The following MPZL2 variants were observed in gnomAD, a reference collection of about 807,000 sequenced individuals.
MPZL2 encodes the protein myelin protein zero-like protein 2.
MPZL2 carries 32 observed loss-of-function variants against 24.5 expected under a neutral mutation model. That is an observed-to-expected ratio of 1.31 (90% CI 0.99 to 1.76). MPZL2 has a LOEUF of 1.76. MPZL2 is among the 40% of genes most tolerant of loss of function. MPZL2 has a pLI of 0.00. For synonymous variants in MPZL2, 92 were observed against 97.9 expected (o/e 0.94, Z 0.36); for missense variants, 304 against 274.9 (o/e 1.11, Z -0.75).
chr11:118,260,519 C>G (rs1422861123), intron 3 of MPZL2, among the ~76,000 whole-genome samples: 1 of 152,188 alleles, frequency 6.6e-6, no homozygotes, highest in Non-Finnish European at 1.5e-5. Flanking sequence ...TTAACAGGTC[C>G]TCCAGGTGAT....
In MPZL2 at chr11:118,262,569, T is replaced by G; in HGVS notation, c.305A>C (p.Glu102Ala). ...GAGAAGGATGGAGGCATCGTACCGC[T>G]CAGGATTCCCATCCCAAGACACCCG... ...KDRVSWDGNPERYDASILLWK... is the reference protein window; with the variant it reads ...KDRVSWDGNPARYDASILLWK... The change falls in exon 3 of 6, where the codon GAG becomes GCG. Residue 102 changes from glutamate (E) to alanine (A), a missense_variant. Glu to Ala is a moderately radical substitution (Grantham distance 107). Coordinates refer to ENST00000278937, the MANE Select transcript of MPZL2 (RefSeq NM_005797.4). The G allele has an allele frequency of 6.2e-7, 1 of 1,614,164 alleles. No homozygotes were observed. Among genetic ancestry groups the G allele is most frequent in the Non-Finnish European group, 8.5e-7 (1 of 1,180,016 alleles).
In MPZL2 at chr11:118,263,982, G is replaced by GT; in HGVS notation, c.58+113dup. On this transcript the variant is annotated intron_variant, in intron 1 of 5. Coordinates refer to ENST00000278937, the MANE Select transcript of MPZL2 (RefSeq NM_005797.4). Reference sequence around the variant, plus strand: ...AGTAAAACCCAAAGTAAAACAAACTGTATCTGTGGCTCAGGCTCCCAAACA... The same window carrying GT: ...AGTAAAACCCAAAGTAAAACAAACTGTTATCTGTGGCTCAGGCTCCCAAACA... 3.6e-6 allele frequency: 4 copies of GT among 1,109,976 alleles called. No homozygotes were observed. The East Asian group carries it at 9.8e-5, about 27-fold the overall frequency. The allele number at this position is 1,109,976 out of a possible 1,614,324, so 68.8% of individuals were successfully genotyped here.
intron 4 of MPZL2, chr11:118,259,851 A>G (rs1056563180): frequency 1.3e-5 from 7 of 531,374 alleles, no homozygotes; most frequent in African/African-American, 9.7e-5. Flanking sequence ...AAGAAATCCC[A>G]TAAGGAAATA....
chr11:118,255,875 CA>C (rs1949656509), intron 5 of MPZL2, among the ~76,000 whole-genome samples: 1 of 152,170 alleles, frequency 6.6e-6, no homozygotes, highest in Non-Finnish European at 1.5e-5. Context: ...CTTGTTTTTA[CA>C]ACTAGCTTGT....
At position 118,262,441 on chromosome 11, in the gene MPZL2, T is replaced by A; in HGVS notation, c.433A>T (p.Thr145Ser). The change falls in exon 3 of 6, where the codon ACT becomes TCT. Residue 145 changes from threonine to serine, a missense_variant. Thr to Ser is a moderately conservative substitution (Grantham distance 58, BLOSUM62 1). Coordinates refer to ENST00000278937, the MANE Select transcript of MPZL2 (RefSeq NM_005797.4). Reference protein sequence around the residue: ...IGEIRLSVVHTVRFSEIHFLA... With the variant: ...IGEIRLSVVHSVRFSEIHFLA... ...CACTGTTCCCTGCATAACCTACCAGTGTGCACGACGCTGAGCCGGATCTCC... is the reference window on the plus strand; with the variant it reads ...CACTGTTCCCTGCATAACCTACCAGAGTGCACGACGCTGAGCCGGATCTCC... The A allele has an allele frequency of 6.2e-7, 1 of 1,613,586 alleles. No individual in the cohort carries two copies. Among genetic ancestry groups the A allele is most frequent in the Non-Finnish European group, 8.5e-7 (1 of 1,179,944 alleles).
In MPZL2 at chr11:118,263,028, GCAT is replaced by G; in HGVS notation, c.125_127del (p.Asp42del). 6.2e-7 allele frequency: 1 copy of G among 1,614,146 alleles called. No homozygotes were observed. Among genetic ancestry groups the G allele is most frequent in the African/African-American group, 1.3e-5 (1 of 75,034 alleles). ...GCTGGAGAAAGTGCATTTTAACCGA[GCAT>G]CTGTCCCATTAACAGCCTCCAGCAC... On this transcript the variant is annotated inframe_deletion, in exon 2 of 6. Coordinates refer to ENST00000278937, the MANE Select transcript of MPZL2 (RefSeq NM_005797.4).
chr11:118,258,865 C>T (rs1949679562), intron 4 of MPZL2, among the ~76,000 whole-genome samples: 1 of 152,152 alleles, frequency 6.6e-6, no homozygotes, highest in South Asian at 2.1e-4. Flanking sequence ...TAAAAGCTCC[C>T]TGAGGCCTCC....
Position 118,262,036 on chromosome 11 carries a change from A to T in MPZL2, c.436+402T>A, listed in dbSNP as rs142952638. Among the ~76,000 whole-genome samples, 119 of 152,312 alleles carry T rather than the reference A, an allele frequency of 7.8e-4. 1 individual carries two copies. Among genetic ancestry groups the T allele is most frequent in the African/African-American group, 2.8e-3 (116 of 41,570 alleles). ...ACCTGCCTCCTAGAGTGGTGTGGGG[A>T]TTCAATGAGATAGTGTATGTCATGC... On this transcript the variant is annotated intron_variant, in intron 3 of 5. Transcript: ENST00000278937.
chr11:118,263,148 G>A (rs1419148415), intron 1 of MPZL2, 51 bp from the exon 2 acceptor site: 5 of 1,552,364 alleles, frequency 3.2e-6, no homozygotes, highest in Non-Finnish European at 4.4e-6. Flanking sequence ...GTAGTATTGT[G>A]AGAACTTCTG....
At chr11:118,262,325 C>T (rs1370936497) in intron 3 of MPZL2, 113 bp downstream of exon 3, 2 of 1,127,726 alleles carry the variant, frequency 1.8e-6, no homozygotes, top group East Asian at 2.5e-5. Context: ...GCTAGTCCCT[C>T]TCTCTATCCA....
In MPZL2 at chr11:118,264,260, G is replaced by C; in HGVS notation, c.-107C>G. On this transcript the variant is annotated 5_prime_UTR_variant, in exon 1 of 6. Coordinates refer to ENST00000278937, the MANE Select transcript of MPZL2 (RefSeq NM_005797.4). ...AGCAAGCACCGCGTTTTCCCAGAGA[G>C]AGGAGTTTGAGTTGAGTTCCTCACC... is the stretch of plus-strand genomic sequence containing the variant. 3 of 1,074,178 alleles carry C rather than the reference G, an allele frequency of 2.8e-6. No homozygotes were observed. The highest frequency in any genetic ancestry group is 2.6e-5 in the South Asian group (2 of 78,172). The allele number at this position is 1,074,178 out of a possible 1,614,324, so 66.5% of individuals were successfully genotyped here. A position where few individuals can be genotyped will look rare whatever the true frequency, so the allele number is the denominator to read the frequency against.
rs1363327944 is a variant in MPZL2 at position 118,255,209 on chromosome 11, T to C, written c.*37A>G. 1 of 152,196 alleles carries C rather than the reference T, an allele frequency of 6.6e-6. No individual in the cohort carries two copies. Among genetic ancestry groups the C allele is most frequent in the African/African-American group, 2.4e-5 (1 of 41,448 alleles). The allele number at this position is 152,196 out of a possible 1,614,324, so 9.4% of individuals were successfully genotyped here. A position where few individuals can be genotyped will look rare whatever the true frequency, so the allele number is the denominator to read the frequency against. On this transcript the variant is annotated 3_prime_UTR_variant, in exon 6 of 6. Coordinates refer to ENST00000278937, the MANE Select transcript of MPZL2 (RefSeq NM_005797.4). ...TAACTTCAAGAAATACTAGGGTTCT[T>C]GTTCTTGGAAATCATCTCAGCTTCC...
Position 118,256,467 on chromosome 11 carries a change from T to C in MPZL2, c.*12+771A>G, listed in dbSNP as rs942889929. Among the ~76,000 whole-genome samples, 6 of 152,032 alleles carry C rather than the reference T, an allele frequency of 3.9e-5. No individual in the cohort carries two copies. In the South Asian group the frequency reaches 8.3e-4, roughly 21 times the overall value. ...TCAGGTGAGACCAGCCTAGGCAACA[T>C]GGGGAAACCCCGTCTCTACAAAAAG... is the stretch of plus-strand genomic sequence containing the variant. On this transcript the variant is annotated intron_variant, in intron 5 of 5. Coordinates refer to ENST00000278937, the MANE Select transcript of MPZL2 (RefSeq NM_005797.4).
intron 5 of MPZL2, among the ~76,000 whole-genome samples, chr11:118,256,214 C>T (rs947425030): frequency 2.0e-5 from 3 of 151,928 alleles, no homozygotes; most frequent in Non-Finnish European, 4.4e-5. Flanking sequence ...TCCCGTGTAA[C>T]AGAGCCAGAG....
chr11:118,255,656 TTTTTG>T (rs1284369379), intron 5 of MPZL2, among the ~76,000 whole-genome samples: 4 of 119,168 alleles, frequency 3.4e-5, no homozygotes, highest in Non-Finnish European at 5.2e-5. Context: ...TCTGAAGCCT[TTTTTG>T]TTTTATTTGC....
rs143883953 is a variant in MPZL2, at chr11:118,260,299, T to C, written c.437-98A>G. 2.9e-5 allele frequency: 36 copies of C among 1,250,362 alleles called. No homozygotes were observed. The African/African-American group carries it at 4.2e-4, about 15-fold the overall frequency. 77.5% of individuals were successfully genotyped at this position (1,250,362 alleles called of 1,614,324 possible). A position where few individuals can be genotyped will look rare whatever the true frequency, so the allele number is the denominator to read the frequency against. On this transcript the variant is annotated intron_variant, in intron 3 of 5. Coordinates refer to ENST00000278937, the MANE Select transcript of MPZL2 (RefSeq NM_005797.4). ...GGATGCATTTAATCAATAGATGGAA[T>C]CTTCCTTTATCCTACCTTTATGCAT...
At position 118,260,084 on chromosome 11, in the gene MPZL2, T is replaced by C; in HGVS notation, c.554A>G (p.Glu185Gly). Reference protein sequence around the residue: ...FQHYRKKRWAERAHKVVEIKS... With the variant: ...FQHYRKKRWAGRAHKVVEIKS... ...TATCTCCACCACTTTATGAGCTCTT[T>C]CGGCCCATCGCTTTTTCCGGTAATG... is the stretch of plus-strand genomic sequence containing the variant. The change falls in exon 4 of 6, where the codon GAA (glutamate) becomes GGA (glycine). Residue 185 changes from glutamate (E) to glycine (G), a missense_variant. Glu to Gly is a moderately conservative substitution (Grantham distance 98, BLOSUM62 -2). Transcript: ENST00000278937. 1 of 1,614,080 alleles carries C rather than the reference T, an allele frequency of 6.2e-7. No individual in the cohort carries two copies. The highest frequency in any genetic ancestry group is 8.5e-7 in the Non-Finnish European group (1 of 1,179,942).
At chr11:118,264,023 C>G in intron 1 of MPZL2, 73 bp downstream of exon 1, 1 of 1,494,802 alleles carries the variant, frequency 6.7e-7, no homozygotes, top group Non-Finnish European at 9.3e-7. Context: ...CTTGCAACTT[C>G]TAAGACAATT....
chr11:118,262,694 C>T, intron 2 of MPZL2, 46 bp from the exon 3 acceptor site: 1 of 1,574,986 alleles, frequency 6.3e-7, no homozygotes, highest in Non-Finnish European at 8.7e-7. Flanking sequence ...AGCACCCAGG[C>T]AAGGAGGCCA....
Sources: gnomAD v4.1 joint callset for allele counts (sites outside exome capture counted in the v4.1 genomes callset) on GRCh38, gnomAD v4.1.1 for gene constraint, MANE v1.5 for transcripts, NCBI Gene and HGNC (gene_info 2026-07-23, HGNC 2026-07-21) for gene names.